Variants in PDE3A observed in about 807,000 individuals in gnomAD.
PDE3A encodes the protein phosphodiesterase 3A, also known as cGMP-inhibited 3',5'-cyclic phosphodiesterase 3A.
In PDE3A, 43 loss-of-function variants were observed where a neutral mutation model predicts 98.3. The observed-to-expected ratio is 0.44, with a 90% CI of 0.34 to 0.56. The LOEUF (loss-of-function observed/expected upper bound fraction) is 0.56, where lower values mean the gene tolerates loss of function less well. PDE3A is among the 20% of genes least tolerant of loss of function. The pLI is 0.01. For missense variants in PDE3A, 1,427 were observed against 1,440.7 expected (o/e 0.99, Z 0.15); for synonymous variants, 663 against 567.9 (o/e 1.17, Z -2.38).
chr12:20,488,446 T>A (rs1372029382), intron 1 of PDE3A, among the ~76,000 whole-genome samples: 1 of 152,188 alleles, frequency 6.6e-6, no homozygotes. Flanking sequence ...ATTTAAAAAA[T>A]TTAACTTTGT....
chr12:20,569,673 C>T (rs1392523454), intron 2 of PDE3A, among the ~76,000 whole-genome samples: 2 of 152,060 alleles, frequency 1.3e-5, no homozygotes, highest in Non-Finnish European at 2.9e-5. Context: ...TCTCATTAAC[C>T]TTCAGTTAAA....
At chr12:20,445,644 G>A (rs1364319801) in intron 1 of PDE3A, among the ~76,000 whole-genome samples, 2 of 152,126 alleles carry the variant, frequency 1.3e-5, no homozygotes, top group African/African-American at 4.8e-5. Context: ...ATTTTGGAAC[G>A]ATCAAGGAAC....
At chr12:20,375,092 A>G (rs1432260195) in intron 1 of PDE3A, among the ~76,000 whole-genome samples, 1 of 151,888 alleles carries the variant, frequency 6.6e-6, no homozygotes, top group Non-Finnish European at 1.5e-5. Flanking sequence ...TGGTGTTTAT[A>G]TCTTCTTAAA....
chr12:20,457,282 A>AT (rs1945169685), intron 1 of PDE3A, among the ~76,000 whole-genome samples: 2 of 150,868 alleles, frequency 1.3e-5, no homozygotes, highest in African/African-American at 2.4e-5. Context: ...TAAATTTTCT[A>AT]TTTTTTTCAT....
chr12:20,631,138 G>C (rs1181316863), intron 6 of PDE3A, among the ~76,000 whole-genome samples: 2 of 151,822 alleles, frequency 1.3e-5, no homozygotes, highest in African/African-American at 4.8e-5. Flanking sequence ...TTTTACATGA[G>C]AAATTATTTT....
At chr12:20,633,617 G>A (rs1441627064) in intron 6 of PDE3A, 76 bp from the exon 7 acceptor site, 10 of 660,684 alleles carry the variant, frequency 1.5e-5, no homozygotes, top group Non-Finnish European at 2.6e-6. Flanking sequence ...TTATCTTAAT[G>A]TATACATAGA....
At chr12:20,417,774 A>G (rs974554008) in intron 1 of PDE3A, among the ~76,000 whole-genome samples, 4 of 152,204 alleles carry the variant, frequency 2.6e-5, no homozygotes, top group Admixed American at 2.6e-4. Context: ...AAAAGCAGGT[A>G]TTTGTTGAGT....
At chr12:20,472,585 G>GACC (rs78205630) in intron 1 of PDE3A, among the ~76,000 whole-genome samples, 111,899 of 151,590 alleles carry the variant, frequency 0.74, 41,718 homozygotes, top group East Asian at 0.98. Flanking sequence ...TAATCTAAAT[G>GACC]ACCACATTAT....
intron 10 of PDE3A, among the ~76,000 whole-genome samples, chr12:20,640,996 T>A (rs933998743): frequency 6.6e-6 from 1 of 152,108 alleles, no homozygotes; most frequent in Non-Finnish European, 1.5e-5. Flanking sequence ...TTTTCGTAAT[T>A]GTAAAGAGCT....
intron 2 of PDE3A, among the ~76,000 whole-genome samples, chr12:20,565,764 G>A (rs1405418313): frequency 1.3e-5 from 2 of 151,714 alleles, no homozygotes; most frequent in South Asian, 2.1e-4. Flanking sequence ...GAAATTGAAT[G>A]TTTTAATTTC....
At chr12:20,488,859 C>G (rs545851344) in intron 1 of PDE3A, among the ~76,000 whole-genome samples, 1 of 130,238 alleles carries the variant, frequency 7.7e-6, no homozygotes, top group East Asian at 2.2e-4. Context: ...GCAGTCTGGG[C>G]AAGAGTGAGT....
rs757461689 is a variant in PDE3A at position 20,685,073 on chromosome 12, C to G, written c.*4802C>G. Among the ~76,000 whole-genome samples the G allele has an allele frequency of 6.6e-6, 1 of 152,062 alleles. No homozygotes were observed. The highest frequency in any genetic ancestry group is 1.5e-5 in the Non-Finnish European group (1 of 68,006). On this transcript the variant is annotated 3_prime_UTR_variant, in exon 16 of 16. Transcript: ENST00000359062. ...TAACTTGAAGTGCTTTTTGTGTTCC[C>G]ACCAGCAAATCATTCTAACAGCAGG...
At chr12:20,447,256 G>T (rs1405408046) in intron 1 of PDE3A, among the ~76,000 whole-genome samples, 1 of 152,168 alleles carries the variant, frequency 6.6e-6, no homozygotes, top group African/African-American at 2.4e-5. Context: ...TTTGCTAATT[G>T]TGATATTGTA....
intron 1 of PDE3A, among the ~76,000 whole-genome samples, chr12:20,519,755 A>AT (rs926721010): frequency 6.6e-6 from 1 of 152,064 alleles, no homozygotes; most frequent in African/African-American, 2.4e-5. Context: ...TGGTTGATTG[A>AT]TTTTCTCAGT....
chr12:20,390,323 A>G (rs4762950), intron 1 of PDE3A, among the ~76,000 whole-genome samples: 100,818 of 151,660 alleles, frequency 0.66, 34,980 homozygotes, highest in East Asian at 0.85. Context: ...GATTAAACAT[A>G]ATTATTCTAG....
chr12:20,676,498 CTTTT>C lies in PDE3A; in HGVS notation c.3185-3516_3185-3513del, dbSNP rs60887487. 5.2e-3 allele frequency among the ~76,000 whole-genome samples: 570 copies of C among 109,196 alleles called. 3 individuals are homozygous for C. Among genetic ancestry groups the C allele is most frequent in the African/African-American group, 0.018 (519 of 28,922 alleles). The allele number at this position is 109,196 out of a possible 152,430, so 71.6% of individuals were successfully genotyped here. A position where few individuals can be genotyped will look rare whatever the true frequency, so the allele number is the denominator to read the frequency against. On this transcript the variant is annotated intron_variant, in intron 15 of 15. Coordinates refer to ENST00000359062, the MANE Select transcript of PDE3A (RefSeq NM_000921.5). ...TTTTTAGAACTCTCTATGTCTTTGA[CTTTT>C]TTTTTTTTTTTTTTTGAGATGGAGT...
At chr12:20,599,313 G>T (rs1477365020) in intron 2 of PDE3A, among the ~76,000 whole-genome samples, 1 of 151,888 alleles carries the variant, frequency 6.6e-6, no homozygotes, top group African/African-American at 2.4e-5. Flanking sequence ...TACTTCTCCT[G>T]TTTTCTCTTT....
At chr12:20,540,746 A>AT (rs889142632) in intron 1 of PDE3A, among the ~76,000 whole-genome samples, 6 of 151,988 alleles carry the variant, frequency 3.9e-5, no homozygotes, top group Non-Finnish European at 7.4e-5. Flanking sequence ...AAACTAAAGA[A>AT]TTTTTCTGTG....
chr12:20,508,415 G>GT (rs76021385), intron 1 of PDE3A, among the ~76,000 whole-genome samples: 1,770 of 137,646 alleles, frequency 0.013, 25 homozygotes, highest in African/African-American at 0.041. Context: ...TACCTGGTTT[G>GT]TTTTTTTTTT....
Sources: gnomAD v4.1 joint callset for allele counts (sites outside exome capture counted in the v4.1 genomes callset) on GRCh38, gnomAD v4.1.1 for gene constraint, MANE v1.5 for transcripts, NCBI Gene and HGNC (gene_info 2026-07-23, HGNC 2026-07-21) for gene names.